DOCK3: variants seen among roughly 807,000 people sequenced by gnomAD.
DOCK3 encodes dedicator of cytokinesis 3, also known as dedicator of cytokinesis protein 3.
In DOCK3, 60 loss-of-function variants were observed where a neutral mutation model predicts 265.6. That is an observed-to-expected ratio of 0.23 (90% CI 0.18 to 0.28). DOCK3 has a LOEUF of 0.28. Among genes scored for constraint, DOCK3 ranks in the 10% least tolerant of loss-of-function variants. The pLI is 1.00. For missense variants in DOCK3, 1,981 were observed against 2,594.3 expected, an observed-to-expected ratio of 0.76 and a Z score of 5.14; for synonymous variants, 881 against 938.0, an observed-to-expected ratio of 0.94 and a Z score of 1.11.
At chr3:50,948,480 T>C (rs908470018) in intron 5 of DOCK3, among the ~76,000 whole-genome samples, 3 of 146,192 alleles carry the variant, frequency 2.1e-5, no homozygotes, top group African/African-American at 7.5e-5. Flanking sequence ...CATAGCTCAC[T>C]GTAAGCTCCA....
chr3:50,927,736 T>A (rs1483863877), intron 4 of DOCK3, among the ~76,000 whole-genome samples: 1 of 152,172 alleles, frequency 6.6e-6, no homozygotes, highest in East Asian at 1.9e-4. Context: ...AGCCCTGTGT[T>A]CCCCAGATGC....
chr3:51,162,105 G>A (rs1418203069), intron 12 of DOCK3, among the ~76,000 whole-genome samples: 1 of 152,142 alleles, frequency 6.6e-6, no homozygotes, highest in Non-Finnish European at 1.5e-5. Context: ...TTAAAACTGT[G>A]AGAATTTTTA....
intron 12 of DOCK3, among the ~76,000 whole-genome samples, chr3:51,203,768 T>C (rs1041210817): frequency 3.3e-5 from 5 of 152,226 alleles, no homozygotes; most frequent in Non-Finnish European, 5.9e-5. Context: ...CAAATTATAC[T>C]ACAAGGCTAC....
At chr3:51,355,106 T>C in intron 41 of DOCK3, 83 bp downstream of exon 41, 6 of 1,516,318 alleles carry the variant, frequency 4.0e-6, no homozygotes, top group East Asian at 2.4e-5. Context: ...CTTTACCACA[T>C]TGCCAACCAT....
At chr3:51,129,800 T>C (rs1473307423) in intron 9 of DOCK3, among the ~76,000 whole-genome samples, 1 of 152,202 alleles carries the variant, frequency 6.6e-6, no homozygotes, top group African/African-American at 2.4e-5. Context: ...TATCTGCCAT[T>C]GACACCTCAA....
intron 32 of DOCK3, among the ~76,000 whole-genome samples, chr3:51,318,786 G>A (rs1842394): frequency 0.087 from 13,184 of 151,990 alleles, 1,197 homozygotes; most frequent in East Asian, 0.34. Flanking sequence ...TTGGTTTTAA[G>A]AAAGTTCAAT....
At chr3:50,779,518 G>C (rs1172887190) in intron 2 of DOCK3, among the ~76,000 whole-genome samples, 1 of 152,002 alleles carries the variant, frequency 6.6e-6, no homozygotes, top group Admixed American at 6.6e-5. Flanking sequence ...CTAGTAGCTG[G>C]GATTACAGGC....
In DOCK3 at chr3:50,701,741, G is replaced by A. The variant is rs950139502; in HGVS notation, c.37+26441G>A. 5.3e-5 allele frequency among the ~76,000 whole-genome samples: 8 copies of A among 152,092 alleles called. No individual in the cohort carries two copies. The South Asian group carries it at 6.2e-4, about 12-fold the overall frequency. On this transcript the variant is annotated intron_variant, in intron 1 of 52. Transcript: ENST00000266037. Reference sequence around the variant, plus strand: ...TAATCCATTTTGAGTTGATTTTTGCGTATGGTGAGAGACAGGTGTCTAGTT... The same window carrying A: ...TAATCCATTTTGAGTTGATTTTTGCATATGGTGAGAGACAGGTGTCTAGTT...
chr3:50,921,060 A>G (rs1299039534), intron 4 of DOCK3, among the ~76,000 whole-genome samples: 5 of 152,154 alleles, frequency 3.3e-5, no homozygotes, highest in Non-Finnish European at 7.4e-5. Context: ...TGAGCAGTTT[A>G]GAGTGAGTTT....
intron 3 of DOCK3, among the ~76,000 whole-genome samples, chr3:50,859,205 G>A (rs940248411): frequency 7.2e-6 from 1 of 139,642 alleles, no homozygotes; most frequent in Non-Finnish European, 1.5e-5. Flanking sequence ...TGGAGAACTG[G>A]TATGGTTTTT....
In DOCK3 at chr3:51,014,734, G is replaced by C. The variant is rs1575762395; in HGVS notation, c.316-49714G>C. 2.0e-5 allele frequency among the ~76,000 whole-genome samples: 3 copies of C among 152,160 alleles called. No individual in the cohort carries two copies. In the East Asian group the frequency reaches 5.8e-4, roughly 29 times the overall value. ...AGGGATTGCATTGAATCAGTAGATT[G>C]CTTTGGGTAGTATGGACGTTTTAAC... On this transcript the variant is annotated intron_variant, in intron 5 of 52. Transcript: ENST00000266037.
At chr3:51,035,579 T>C (rs759140312) in intron 5 of DOCK3, among the ~76,000 whole-genome samples, 2 of 152,202 alleles carry the variant, frequency 1.3e-5, no homozygotes, top group Non-Finnish European at 2.9e-5. Context: ...ATCTGTTGAC[T>C]GTCTTTTCCT....
chr3:51,285,454 T>A (rs1234648947), intron 27 of DOCK3, among the ~76,000 whole-genome samples: 1 of 151,336 alleles, frequency 6.6e-6, no homozygotes, highest in African/African-American at 2.4e-5. Flanking sequence ...ACTGAGAATT[T>A]CAACAAAGAA....
intron 5 of DOCK3, among the ~76,000 whole-genome samples, chr3:50,985,071 A>G (rs1402286242): frequency 6.6e-6 from 1 of 152,248 alleles, no homozygotes; most frequent in Non-Finnish European, 1.5e-5. Context: ...ACACATATGT[A>G]TAAGTCTTAA....
chr3:50,805,575 T>A (rs1296289820), intron 2 of DOCK3, among the ~76,000 whole-genome samples: 1 of 151,844 alleles, frequency 6.6e-6, no homozygotes, highest in Non-Finnish European at 1.5e-5. Flanking sequence ...TCTGCCAGGG[T>A]CGGCCTGCAG....
chr3:50,946,970 T>G (rs1362110703), intron 5 of DOCK3, among the ~76,000 whole-genome samples: 1 of 152,152 alleles, frequency 6.6e-6, no homozygotes, highest in Non-Finnish European at 1.5e-5. Flanking sequence ...CTTCTAAACT[T>G]TTTATGTGAG....
At chr3:51,246,293 C>T (rs986425848) in intron 21 of DOCK3, among the ~76,000 whole-genome samples, 10 of 141,308 alleles carry the variant, frequency 7.1e-5, no homozygotes, top group African/African-American at 1.3e-4. Context: ...AGTGCAGTGG[C>T]GCAGTCATGG....
In DOCK3 at chr3:51,210,740, G is replaced by T. The variant is rs189760995; in HGVS notation, c.1126+1878G>T. On this transcript the variant is annotated intron_variant, in intron 13 of 52. Transcript: ENST00000266037. ...TCTTTATTAAAAATTAGTTTACTTT[G>T]CTATAAACTTTTACCCATCTTTGTT... 9.2e-5 allele frequency among the ~76,000 whole-genome samples: 14 copies of T among 152,252 alleles called. No homozygotes were observed. The East Asian group carries it at 2.3e-3, about 25-fold the overall frequency.
At chr3:51,011,665 G>C (rs1198082228) in intron 5 of DOCK3, among the ~76,000 whole-genome samples, 2 of 152,186 alleles carry the variant, frequency 1.3e-5, no homozygotes, top group Non-Finnish European at 2.9e-5. Context: ...CATTGCGGGC[G>C]AGGAGCTGCA....
Sources: allele counts gnomAD v4.1 joint callset (sites outside exome capture counted in the v4.1 genomes callset), GRCh38; gene constraint gnomAD v4.1.1; transcripts MANE v1.5; gene names NCBI Gene and HGNC (gene_info 2026-07-23, HGNC 2026-07-21).